The following SLCO2B1 variants were observed in gnomAD, a reference collection of about 807,000 sequenced individuals.
SLCO2B1 encodes solute carrier organic anion transporter family member 2B1.
Under a neutral mutation model 67.3 loss-of-function variants are expected in SLCO2B1, and 41 were observed. The ratio of observed to expected loss-of-function variants is 0.61; its 90% CI spans 0.47 to 0.79. The LOEUF (loss-of-function observed/expected upper bound fraction) is 0.79, where lower values mean the gene tolerates loss of function less well. SLCO2B1 is among the 30% of genes least tolerant of loss of function. SLCO2B1 has a pLI of 0.00. For missense variants in SLCO2B1, 837 were observed against 920.1 expected, an observed-to-expected ratio of 0.91 and a Z score of 1.17; for synonymous variants, 379 against 381.4, an observed-to-expected ratio of 0.99 and a Z score of 0.07.
At chr11:75,154,354 G>T (rs900562967) in intron 1 of SLCO2B1, among the ~76,000 whole-genome samples, 24 of 151,954 alleles carry the variant, frequency 1.6e-4, no homozygotes, top group Admixed American at 1.4e-3. Context: ...CAAAAAATTA[G>T]CTGTGTGTGG....
At position 75,180,658 on chromosome 11, in the gene SLCO2B1, C is replaced by G. The variant is rs549585512; in HGVS notation, c.973-7478C>G. Reference sequence around the variant, plus strand: ...ACTATAGTCTATAAAAGGTTTGAGACAGCTCACACCACACAAAGGTACAGT... The same window carrying G: ...ACTATAGTCTATAAAAGGTTTGAGAGAGCTCACACCACACAAAGGTACAGT... On this transcript the variant is annotated intron_variant, in intron 7 of 13. Transcript: ENST00000289575. 4.6e-5 allele frequency among the ~76,000 whole-genome samples: 7 copies of G among 152,324 alleles called. No homozygotes were observed. In the South Asian group the frequency reaches 1.4e-3, roughly 32 times the overall value.
chr11:75,158,189 C>T (rs1440627953), intron 1 of SLCO2B1, among the ~76,000 whole-genome samples: 1 of 152,200 alleles, frequency 6.6e-6, no homozygotes, highest in Non-Finnish European at 1.5e-5. Flanking sequence ...ATCCTCTTGC[C>T]TCGGCCTCCC....
intron 7 of SLCO2B1, among the ~76,000 whole-genome samples, chr11:75,187,735 C>T (rs115173082): frequency 1.6e-3 from 247 of 151,890 alleles, no homozygotes; most frequent in African/African-American, 5.7e-3. Flanking sequence ...ATGGTAATGT[C>T]GTGACTAAAT....
At chr11:75,152,799 C>A (rs1949707096) in intron 1 of SLCO2B1, among the ~76,000 whole-genome samples, 5 of 152,150 alleles carry the variant, frequency 3.3e-5, no homozygotes, top group Admixed American at 3.3e-4. Context: ...CCATTGGGTG[C>A]CATCTCTAGC....
Position 75,172,450 on chromosome 11 carries a change from G to C in SLCO2B1, c.853G>C (p.Gly285Arg). The change falls in exon 7 of 14, where the codon GGT (glycine) becomes CGT (arginine). Residue 285 changes from glycine to arginine, a missense_variant. Coordinates refer to ENST00000289575, the MANE Select transcript of SLCO2B1 (RefSeq NM_007256.5). ...AWWLGFLIAA[G>R]AVALAAIPYF... ...GTGGCTGGGTTTCCTCATCGCTGCC[G>C]GTGCAGTGGCCCTGGCTGCCATCCC... 3 of 1,614,106 alleles carry C rather than the reference G, an allele frequency of 1.9e-6. No homozygotes were observed. In the South Asian group the frequency reaches 3.3e-5, roughly 18 times the overall value.
At position 75,164,040 on chromosome 11, in the gene SLCO2B1, A is replaced by C. The variant is rs971399350; in HGVS notation, c.225A>C (p.Thr75=). ...ISGYLKSSIS[T]VEKRFGLSSQ... ...GCTACCTAAAGAGCTCCATCTCCAC[A>C]GTGGAGAAGCGCTTCGGCCTCTCCA... The change falls in exon 3 of 14, where the codon ACA becomes ACC. Residue 75 remains threonine (T), a synonymous_variant. Transcript: ENST00000289575. 1 of 1,607,742 alleles carries C rather than the reference A, an allele frequency of 6.2e-7. No homozygotes were observed. Among genetic ancestry groups the C allele is most frequent in the African/African-American group, 1.3e-5 (1 of 74,732 alleles).
chr11:75,156,183 C>A (rs377360604), intron 1 of SLCO2B1, among the ~76,000 whole-genome samples: 1 of 152,290 alleles, frequency 6.6e-6, no homozygotes, highest in East Asian at 1.9e-4. Context: ...TATGACAAAA[C>A]AAATATTTGA....
intron 4 of SLCO2B1, among the ~76,000 whole-genome samples, 194 bp downstream of exon 4, chr11:75,166,143 G>A (rs1340995752): frequency 9.9e-5 from 15 of 152,278 alleles, no homozygotes; most frequent in East Asian, 9.7e-4. Flanking sequence ...TGGGGAGTGC[G>A]GTAGGAAGTA....
At chr11:75,180,970 C>A (rs545403037) in intron 7 of SLCO2B1, among the ~76,000 whole-genome samples, 1 of 152,148 alleles carries the variant, frequency 6.6e-6, no homozygotes, top group East Asian at 1.9e-4. Context: ...ATGCATGGAC[C>A]CATAAAGATT....
In SLCO2B1 at chr11:75,169,669, T is replaced by A. The variant is rs1591816399; in HGVS notation, c.686T>A (p.Ile229Asn). 2.7e-5 allele frequency: 44 copies of A among 1,611,322 alleles called. No homozygotes were observed. Among genetic ancestry groups the A allele is most frequent in the Non-Finnish European group, 3.7e-5 (44 of 1,178,498 alleles). ...TAACTCAGGCTTTGTGTTGTAGGGA[T>A]CCTGTTTGCAGTGACCATGATGGGG... ...HNSNSPLYLG[I>N]LFAVTMMGPG... is the part of the protein sequence containing the mutation. Residue 229 changes from isoleucine to asparagine, a missense_variant, in exon 6 of 14, where the codon ATC (isoleucine) becomes AAC (asparagine). By Grantham distance (149) the Ile-to-Asn change is moderately radical (BLOSUM62 -3). Coordinates refer to ENST00000289575, the MANE Select transcript of SLCO2B1 (RefSeq NM_007256.5).
At chr11:75,151,450 G>T in intron 1 of SLCO2B1, 53 bp downstream of exon 1, 1 of 1,601,104 alleles carries the variant, frequency 6.2e-7, no homozygotes, top group South Asian at 1.1e-5. Flanking sequence ...TGGGGGACAT[G>T]TTCCCAGAGA....
chr11:75,168,506 C>A (rs1182357619), intron 4 of SLCO2B1, among the ~76,000 whole-genome samples: 1 of 152,180 alleles, frequency 6.6e-6, no homozygotes, highest in Non-Finnish European at 1.5e-5. Context: ...CTCCAGGGAA[C>A]AAATGTCAGG....
rs985464386 is a variant in SLCO2B1 at position 75,169,558 on chromosome 11, C to A, written c.683-108C>A. 11 of 1,216,624 alleles carry A rather than the reference C, an allele frequency of 9.0e-6. No individual in the cohort carries two copies. In the African/African-American group the frequency reaches 1.5e-4, roughly 17 times the overall value. 75.4% of individuals were successfully genotyped at this position (1,216,624 alleles called of 1,614,324 possible). ...AGGGAAGCCCTGGAGAGTTCCCCAT[C>A]CCTGACCAGGGGAGACAGAGTGTTC... On this transcript the variant is annotated intron_variant, in intron 5 of 13. Coordinates refer to ENST00000289575, the MANE Select transcript of SLCO2B1 (RefSeq NM_007256.5).
At chr11:75,159,440 T>C (rs1473971103) in intron 1 of SLCO2B1, among the ~76,000 whole-genome samples, 1 of 152,122 alleles carries the variant, frequency 6.6e-6, no homozygotes, top group Non-Finnish European at 1.5e-5. Context: ...CCCATGGCCG[T>C]CCCATCCTCC....
chr11:75,169,756 T>C lies in SLCO2B1; in HGVS notation c.773T>C (p.Met258Thr), dbSNP rs897617888. Reference protein sequence around the residue: ...MLRLYVDINQMPEGGISLTIK... With the variant: ...MLRLYVDINQTPEGGISLTIK... The stretch of plus-strand genomic sequence containing the variant: ...CGCCTTTATGTGGACATTAACCAGA[T>C]GCCAGAAGGTGAGCCTCAGGAGCAC... Residue 258 changes from methionine to threonine, a missense_variant, in exon 6 of 14, where the codon ATG (methionine) becomes ACG (threonine). Physicochemically the swap from Met to Thr is moderately conservative, Grantham distance 81. Transcript: ENST00000289575. 3.1e-6 allele frequency: 5 copies of C among 1,613,754 alleles called. No homozygotes were observed. In the African/African-American group the frequency reaches 6.7e-5, roughly 22 times the overall value.
At chr11:75,162,832 C>T in intron 2 of SLCO2B1, 47 bp downstream of exon 2, 1 of 1,589,526 alleles carries the variant, frequency 6.3e-7, no homozygotes, top group Non-Finnish European at 8.6e-7. Context: ...GAAGAGCAGG[C>T]TCTGCCACGT....
intron 4 of SLCO2B1, among the ~76,000 whole-genome samples, chr11:75,166,366 A>T (rs1849581098): frequency 6.6e-6 from 1 of 152,194 alleles, no homozygotes; most frequent in Non-Finnish European, 1.5e-5. Flanking sequence ...ATCCTCATAA[A>T]AGACATTGGG....
chr11:75,193,208 G>GC lies in SLCO2B1; in HGVS notation c.1076-5dup, dbSNP rs1565547767. On this transcript the variant is annotated splice_polypyrimidine_tract_variant and intron_variant, in intron 8 of 13. Transcript: ENST00000289575. The surrounding 1 kb of genome is among the most constrained non-coding windows in gnomAD (Gnocchi z 4.2). ...CCTGCCTGCCCTGACCTCTGCACTCGCCCCCACAGTCTTCCCCAGGGTGCT... is the reference window on the plus strand; with the variant it reads ...CCTGCCTGCCCTGACCTCTGCACTCGCCCCCCACAGTCTTCCCCAGGGTGCT... The GC allele has an allele frequency of 6.3e-7, 1 of 1,595,476 alleles. No homozygotes were observed.
At chr11:75,204,213 C>A in intron 13 of SLCO2B1, 187 bp from the exon 14 acceptor site, 1 of 548,586 alleles carries the variant, frequency 1.8e-6, no homozygotes, top group Non-Finnish European at 3.1e-6. Context: ...ATGAAGATGG[C>A]CAGGCCTCTG....
Sources: allele counts gnomAD v4.1 joint callset (sites outside exome capture counted in the v4.1 genomes callset), GRCh38; gene constraint gnomAD v4.1.1; non-coding constraint Gnocchi (gnomAD v3.1); transcripts MANE v1.5; gene names NCBI Gene and HGNC (gene_info 2026-07-23, HGNC 2026-07-21).